TMPRSS7: variants seen among roughly 807,000 people sequenced by gnomAD.
TMPRSS7 encodes transmembrane protease serine 7.
TMPRSS7 carries 81 observed loss-of-function variants against 95.6 expected under a neutral mutation model. That is an observed-to-expected ratio of 0.85 (90% CI 0.71 to 1.02). TMPRSS7 has a LOEUF of 1.02. Ranked by LOEUF, TMPRSS7 falls within the 50% of genes least tolerant of loss-of-function variation. The probability of loss-of-function intolerance (pLI) is 0.00; values close to 1 mark genes in which losing one functional copy is unlikely to be tolerated. For synonymous variants in TMPRSS7, 364 were observed against 337.8 expected (o/e 1.08, Z -0.85); for missense variants, 945 against 955.2 (o/e 0.99, Z 0.14).
intron 13 of TMPRSS7, among the ~76,000 whole-genome samples, chr3:112,073,716 T>C (rs2073679790): frequency 6.6e-6 from 1 of 152,198 alleles, no homozygotes; most frequent in Non-Finnish European, 1.5e-5. Flanking sequence ...GGTAGTTTCT[T>C]TTGTAATACT....
At chr3:112,078,528 G>A (rs2073739713) in intron 16 of TMPRSS7, among the ~76,000 whole-genome samples, 1 of 152,190 alleles carries the variant, frequency 6.6e-6, no homozygotes, top group African/African-American at 2.4e-5. Flanking sequence ...TGAATCTTGT[G>A]TTACTTGCTA....
At chr3:112,066,607 C>A in intron 13 of TMPRSS7, 105 bp downstream of exon 13, 2 of 1,021,694 alleles carry the variant, frequency 2.0e-6, no homozygotes, top group East Asian at 2.6e-5. Context: ...CAACTTGTCC[C>A]AGGTTCTCTG....
intron 7 of TMPRSS7, 140 bp from the exon 8 acceptor site, chr3:112,049,704 T>C (rs1013521973): frequency 1.6e-6 from 1 of 612,320 alleles, no homozygotes; most frequent in Non-Finnish European, 2.5e-6. Flanking sequence ...TGGATGAGGA[T>C]CTGGCTGGGA....
At chr3:112,034,813 A>AC (rs1213698732), upstream of TMPRSS7, 2 of 702,114 alleles carry the variant, frequency 2.8e-6, no homozygotes, top group Admixed American at 2.0e-5. Flanking sequence ...GCTTTGAGAC[A>AC]CCCCTGGATG....
chr3:112,063,499 A>G, intron 11 of TMPRSS7, 26 bp from the exon 12 acceptor site: 2 of 1,580,594 alleles, frequency 1.3e-6, no homozygotes, highest in Non-Finnish European at 8.7e-7. Flanking sequence ...AAGATTTTCT[A>G]TTTTTTGATT....
intron 8 of TMPRSS7, among the ~76,000 whole-genome samples, chr3:112,050,310 T>G (rs1448612112): frequency 1.3e-5 from 2 of 151,822 alleles, no homozygotes; most frequent in Non-Finnish European, 2.9e-5. Flanking sequence ...AGTTTAGAGC[T>G]TAGAGGAGGG....
intron 10 of TMPRSS7, among the ~76,000 whole-genome samples, chr3:112,058,707 G>A (rs868418784): frequency 5.3e-5 from 8 of 152,050 alleles, no homozygotes; most frequent in East Asian, 1.9e-4. Flanking sequence ...AGCCTGTGAC[G>A]GAGCTGTGCT....
At chr3:112,068,862 G>A (rs1397822279) in intron 13 of TMPRSS7, among the ~76,000 whole-genome samples, 1 of 152,148 alleles carries the variant, frequency 6.6e-6, no homozygotes, top group Non-Finnish European at 1.5e-5. Context: ...ACACTATGTT[G>A]AATAGGAGTG....
intron 4 of TMPRSS7, among the ~76,000 whole-genome samples, chr3:112,045,240 C>G (rs138745505): frequency 6.6e-6 from 1 of 152,104 alleles, no homozygotes; most frequent in Non-Finnish European, 1.5e-5. Flanking sequence ...GTCTGCCTCC[C>G]GGGTTCAAGC....
intron 14 of TMPRSS7, among the ~76,000 whole-genome samples, chr3:112,075,078 C>T (rs1042723190): frequency 6.6e-5 from 10 of 152,212 alleles, no homozygotes; most frequent in African/African-American, 2.4e-4. Context: ...GCTGTTACAG[C>T]AGGTCCCCCT....
chr3:112,079,161 A>G (rs1332633081), intron 17 of TMPRSS7, among the ~76,000 whole-genome samples: 2 of 152,184 alleles, frequency 1.3e-5, no homozygotes, highest in Admixed American at 1.3e-4. Flanking sequence ...TCTTATAACC[A>G]ATTTATTTCC....
intron 10 of TMPRSS7, among the ~76,000 whole-genome samples, chr3:112,058,946 A>G (rs1394406613): frequency 1.3e-5 from 2 of 152,306 alleles, no homozygotes; most frequent in East Asian, 1.9e-4. Context: ...AGCCCTTCAC[A>G]TTATCAAGTA....
exon 7 of TMPRSS7, chr3:112,047,902 C>A (rs1444476228): frequency 6.2e-7 from 1 of 1,609,750 alleles, no homozygotes; most frequent in East Asian, 2.4e-5. Context: ...AAGCCGACAA[C>A]TGTGTCACTG....
At chr3:112,051,545 A>G in intron 9 of TMPRSS7, among the ~76,000 whole-genome samples, 1 of 151,140 alleles carries the variant, frequency 6.6e-6, no homozygotes, top group South Asian at 2.1e-4. Flanking sequence ...CTATCTATCT[A>G]TCTATCTATC....
At chr3:112,052,726 A>G (rs753851660) in intron 9 of TMPRSS7, among the ~76,000 whole-genome samples, 1 of 152,234 alleles carries the variant, frequency 6.6e-6, no homozygotes, top group Non-Finnish European at 1.5e-5. Flanking sequence ...GTGTGATAGC[A>G]GAAAAAGACA....
At chr3:112,051,917 T>G (rs1490112368) in intron 9 of TMPRSS7, among the ~76,000 whole-genome samples, 1 of 152,118 alleles carries the variant, frequency 6.6e-6, no homozygotes, top group African/African-American at 2.4e-5. Context: ...GTATGTTGTT[T>G]GCGTTTATTC....
intron 10 of TMPRSS7, 88 bp from the exon 11 acceptor site, chr3:112,061,699 G>T: frequency 7.0e-7 from 1 of 1,435,256 alleles, no homozygotes; most frequent in South Asian, 1.6e-5. Context: ...AAAACCAAAT[G>T]ACCAAAGTAT....
intron 13 of TMPRSS7, among the ~76,000 whole-genome samples, chr3:112,069,510 A>T (rs1210935491): frequency 6.6e-6 from 1 of 152,160 alleles, no homozygotes; most frequent in Non-Finnish European, 1.5e-5. Context: ...AGAGCCTGTT[A>T]TTGGTCTATT....
intron 12 of TMPRSS7, 103 bp from the exon 13 acceptor site, chr3:112,066,289 G>T: frequency 3.3e-6 from 3 of 916,682 alleles, no homozygotes; most frequent in Admixed American, 4.2e-5. Context: ...TGTTTTATAG[G>T]TCATCCTAAT....
Sources: gnomAD v4.1 joint callset for allele counts (sites outside exome capture counted in the v4.1 genomes callset) on GRCh38, gnomAD v4.1.1 for gene constraint, MANE v1.5 for transcripts, NCBI Gene and HGNC (gene_info 2026-07-23, HGNC 2026-07-21) for gene names.